OSBPL1A: variants seen among roughly 807,000 people sequenced by gnomAD.
The protein encoded by OSBPL1A is oxysterol binding protein like 1A.
Under a neutral mutation model 137.1 loss-of-function variants are expected in OSBPL1A, and 80 were observed. That is an observed-to-expected ratio of 0.58 (90% CI 0.49 to 0.70). The LOEUF is 0.70. OSBPL1A is among the 30% of genes least tolerant of loss of function. OSBPL1A has a pLI of 0.00. For missense variants in OSBPL1A, 970 were observed against 1,129.4 expected, an observed-to-expected ratio of 0.86 and a Z score of 2.02; for synonymous variants, 365 against 389.7, an observed-to-expected ratio of 0.94 and a Z score of 0.75.
chr18:24,218,932 T>C (rs555229493), intron 17 of OSBPL1A, among the ~76,000 whole-genome samples: 3 of 152,298 alleles, frequency 2.0e-5, no homozygotes, highest in African/African-American at 7.2e-5. Context: ...AAATATACAA[T>C]TTTTGTTAGT....
At chr18:24,184,190 G>A (rs898574119) in intron 18 of OSBPL1A, among the ~76,000 whole-genome samples, 1 of 152,090 alleles carries the variant, frequency 6.6e-6, no homozygotes. Flanking sequence ...TGGGTCAAGA[G>A]CATGCTCATT....
chr18:24,200,517 G>A (rs2087186966), intron 17 of OSBPL1A, among the ~76,000 whole-genome samples: 1 of 149,838 alleles, frequency 6.7e-6, no homozygotes, highest in East Asian at 2.0e-4. Flanking sequence ...AGCTGAGATT[G>A]CGTCACTGCA....
chr18:24,366,953 A>G lies in OSBPL1A; in HGVS notation c.221T>C (p.Val74Ala), dbSNP rs1048459091. The G allele has an allele frequency of 6.2e-7, 1 of 1,611,732 alleles. No individual in the cohort carries two copies. The change falls in exon 4 of 28, where the codon GTG becomes GCG. Residue 74 changes from valine (V) to alanine (A), a missense_variant. Physicochemically the swap from Val to Ala is moderately conservative, Grantham distance 64. Coordinates refer to ENST00000319481, the MANE Select transcript of OSBPL1A (RefSeq NM_080597.4). ...VQDLLKAGAE[V>A]NVLNDMGDTP... ...GTCTCCCATGTCATTCAACACATTC[A>G]CTTCTGCACCAGCCTAGTAAACATG...
chr18:24,274,446 G>GAT (rs908715261), intron 15 of OSBPL1A, among the ~76,000 whole-genome samples: 1 of 152,124 alleles, frequency 6.6e-6, no homozygotes, highest in Non-Finnish European at 1.5e-5. Flanking sequence ...GGATATATTA[G>GAT]ATCAGAACTC....
chr18:24,229,907 T>C (rs1293746231), intron 16 of OSBPL1A, among the ~76,000 whole-genome samples: 2 of 152,008 alleles, frequency 1.3e-5, no homozygotes, highest in Admixed American at 6.5e-5. Context: ...CGCGCCACCA[T>C]GCCCGGCTAA....
intron 1 of OSBPL1A, among the ~76,000 whole-genome samples, chr18:24,384,583 A>G (rs1380431859): frequency 8.1e-6 from 1 of 123,258 alleles, no homozygotes; most frequent in Non-Finnish European, 1.7e-5. Flanking sequence ...CAAACAAACA[A>G]AAGGGCCGGG....
intron 5 of OSBPL1A, among the ~76,000 whole-genome samples, chr18:24,341,215 CAGACTAGTCTAGA>C (rs369653599): frequency 2.6e-5 from 4 of 152,232 alleles, no homozygotes; most frequent in African/African-American, 9.6e-5. Flanking sequence ...CCATGTTGCC[CAGACTAGTCTAGA>C]ACTCCTAACC....
chr18:24,194,753 A>T (rs770077070), intron 18 of OSBPL1A, among the ~76,000 whole-genome samples: 3 of 152,174 alleles, frequency 2.0e-5, no homozygotes. Context: ...GGTACAAATT[A>T]TGATGCTAGT....
intron 13 of OSBPL1A, 127 bp downstream of exon 13, chr18:24,311,857 G>A: frequency 1.8e-6 from 2 of 1,082,016 alleles, no homozygotes; most frequent in South Asian, 2.9e-5. Flanking sequence ...ACTCAGTGAA[G>A]AACAGTACTA....
intron 17 of OSBPL1A, among the ~76,000 whole-genome samples, chr18:24,199,476 G>A (rs1000984963): frequency 6.6e-6 from 1 of 151,902 alleles, no homozygotes; most frequent in Non-Finnish European, 1.5e-5. Context: ...CTCTCTTGCT[G>A]ATGTGTTGAT....
chr18:24,263,054 T>C (rs1203170644), intron 15 of OSBPL1A, among the ~76,000 whole-genome samples: 2 of 152,160 alleles, frequency 1.3e-5, no homozygotes, highest in African/African-American at 4.8e-5. Context: ...TCTCTGAAAA[T>C]AGCTTTCTGT....
At chr18:24,269,851 AACACACAC>A (rs147895357) in intron 15 of OSBPL1A, among the ~76,000 whole-genome samples, 7 of 140,076 alleles carry the variant, frequency 5.0e-5, no homozygotes, top group East Asian at 2.0e-4. Context: ...TGACAAGCCT[AACACACAC>A]ACACACACAC....
At chr18:24,309,862 C>T (rs2090580051) in intron 13 of OSBPL1A, among the ~76,000 whole-genome samples, 1 of 151,976 alleles carries the variant, frequency 6.6e-6, no homozygotes, top group Non-Finnish European at 1.5e-5. Context: ...GCCTGGCCTA[C>T]ATGGTGAAAC....
chr18:24,341,283 A>G (rs962512632), intron 5 of OSBPL1A, among the ~76,000 whole-genome samples: 11 of 152,246 alleles, frequency 7.2e-5, no homozygotes, highest in Non-Finnish European at 1.2e-4. Flanking sequence ...CTAGGGTTAC[A>G]GGCGTGAGCC....
At chr18:24,196,790 T>C (rs2087046891) in intron 17 of OSBPL1A, among the ~76,000 whole-genome samples, 1 of 152,174 alleles carries the variant, frequency 6.6e-6, no homozygotes, top group South Asian at 2.1e-4. Context: ...ACTAACAAAA[T>C]TTAGCAATTC....
chr18:24,226,778 C>A (rs1431924548), intron 16 of OSBPL1A, among the ~76,000 whole-genome samples: 5 of 151,888 alleles, frequency 3.3e-5, no homozygotes, highest in African/African-American at 1.2e-4. Context: ...AAGTTACCTG[C>A]AGAAAGGCTT....
At chr18:24,188,023 T>C (rs2086795053) in intron 18 of OSBPL1A, among the ~76,000 whole-genome samples, 1 of 152,204 alleles carries the variant, frequency 6.6e-6, no homozygotes, top group East Asian at 1.9e-4. Flanking sequence ...ACTTTAAAAG[T>C]TTATTCATTA....
intron 15 of OSBPL1A, among the ~76,000 whole-genome samples, chr18:24,263,974 C>G (rs1037895900): frequency 2.0e-5 from 3 of 152,174 alleles, no homozygotes; most frequent in African/African-American, 7.2e-5. Context: ...CTTAATACTA[C>G]TTGCAGAAAA....
chr18:24,381,151 G>A (rs1234506011), intron 1 of OSBPL1A, among the ~76,000 whole-genome samples: 1 of 152,150 alleles, frequency 6.6e-6, no homozygotes, highest in Non-Finnish European at 1.5e-5. Flanking sequence ...GTGGGGAAGA[G>A]AGCTTGAGCT....
Sources: allele counts gnomAD v4.1 joint callset (sites outside exome capture counted in the v4.1 genomes callset), GRCh38; gene constraint gnomAD v4.1.1; transcripts MANE v1.5; gene names NCBI Gene and HGNC (gene_info 2026-07-23, HGNC 2026-07-21).